RYR1: variants seen among roughly 807,000 people sequenced by gnomAD.
The protein encoded by RYR1 is central core disease of muscle.
In RYR1, 342 loss-of-function variants were observed where a neutral mutation model predicts 583.5. The ratio of observed to expected loss-of-function variants is 0.59; its 90% CI spans 0.54 to 0.64. The LOEUF (loss-of-function observed/expected upper bound fraction) is 0.64. Ranked by LOEUF, RYR1 falls within the 30% of genes least tolerant of loss-of-function variation. The pLI, the probability that RYR1 is intolerant of heterozygous loss-of-function variation, is 0.00. For missense variants in RYR1, 6,032 were observed against 6,917.2 expected (o/e 0.87, Z 4.54); for synonymous variants, 2,791 against 2,822.5 (o/e 0.99, Z 0.35).
rs66571762 is a variant in RYR1 at position 38,452,126 on chromosome 19, C to CA, written c.1244+266dup. On this transcript the variant is annotated intron_variant, in intron 12 of 105. Transcript: ENST00000359596. ...CAGCATAGGGAGACCCCGCCTCTAC[C>CA]AAAAAAAAAAAAAAAAAAAAAAAAA... Among the ~76,000 whole-genome samples, 6,787 of 68,820 alleles carry CA rather than the reference C, an allele frequency of 0.099. 489 individuals are homozygous for CA. The highest frequency in any genetic ancestry group is 0.2 in the East Asian group (437 of 2,198). The allele number at this position is 68,820 out of a possible 152,430, so 45.1% of individuals were successfully genotyped here.
chr19:38,444,547 C>T lies in RYR1; in HGVS notation c.538-37C>T, dbSNP rs1037919076. 2.5e-6 allele frequency: 4 copies of T among 1,585,742 alleles called. No homozygotes were observed. In the African/African-American group the frequency reaches 5.4e-5, roughly 21 times the overall value. ...ACGCTGGGACTCTCGCCCACCCCTG[C>T]AATCGTCTCTGACTGCCGCATCCTG... On this transcript the variant is annotated intron_variant, in intron 6 of 105. Coordinates refer to ENST00000359596, the MANE Select transcript of RYR1 (RefSeq NM_000540.3). The surrounding 1 kb of genome is among the most constrained non-coding windows in gnomAD (Gnocchi z 5.1).
intron 88 of RYR1, among the ~76,000 whole-genome samples, chr19:38,547,870 C>T (rs1380190413): frequency 6.6e-6 from 1 of 152,094 alleles, no homozygotes; most frequent in Non-Finnish European, 1.5e-5. Flanking sequence ...CATGCCACCA[C>T]GCCCAGCTGA....
At chr19:38,532,802 C>T in intron 78 of RYR1, 66 bp downstream of exon 78, 1 of 1,502,322 alleles carries the variant, frequency 6.7e-7, no homozygotes. Context: ...ATCTCCCATT[C>T]ATTCAGCATG....
rs773080803 is a variant in RYR1 at position 38,584,966 on chromosome 19, G to C, written c.14670G>C (p.Val4890=). 1.2e-4 allele frequency: 195 copies of C among 1,613,920 alleles called. No individual in the cohort carries two copies. The highest frequency in any genetic ancestry group is 1.6e-4 in the Non-Finnish European group (190 of 1,180,010). Residue 4890 remains valine (V), a synonymous_variant, in exon 102 of 106, where the codon GTG becomes GTC. Coordinates refer to ENST00000359596, the MANE Select transcript of RYR1 (RefSeq NM_000540.3). ...AGTGTTACCTGTTTCACATGTACGTGGGTGTCCGGGCTGGCGGAGGCATTG... is the reference window on the plus strand; with the variant it reads ...AGTGTTACCTGTTTCACATGTACGTCGGTGTCCGGGCTGGCGGAGGCATTG... ...MMTCYLFHMY[V]GVRAGGGIGD... is the part of the protein sequence containing the mutation.
chr19:38,569,250 A>T (rs544685164), intron 93 of RYR1, among the ~76,000 whole-genome samples: 2 of 151,188 alleles, frequency 1.3e-5, no homozygotes, highest in African/African-American at 4.9e-5. Flanking sequence ...CTTGTGATCC[A>T]CCCGCCTTGG....
chr19:38,576,073 T>C, intron 97 of RYR1, 112 bp downstream of exon 97: 1 of 1,279,720 alleles, frequency 7.8e-7, no homozygotes, highest in Non-Finnish European at 1.1e-6. Flanking sequence ...GAGGTTTTTT[T>C]GCCTTTCTGA....
At chr19:38,536,220 C>T in intron 82 of RYR1, 150 bp downstream of exon 82, 1 of 698,036 alleles carries the variant, frequency 1.4e-6, no homozygotes, top group Non-Finnish European at 2.4e-6. Flanking sequence ...TGCTGTGGTC[C>T]CCCAGTCCCA....
At chr19:38,438,387 A>AT (rs35789428) in intron 1 of RYR1, among the ~76,000 whole-genome samples, 17,790 of 146,906 alleles carry the variant, frequency 0.12, 1,418 homozygotes, top group Middle Eastern at 0.22. Flanking sequence ...GAGGGCCGTG[A>AT]TTTTTTTTTT....
chr19:38,469,611 A>G (rs1968311135), intron 27 of RYR1, 98 bp downstream of exon 27: 8 of 1,232,834 alleles, frequency 6.5e-6, no homozygotes, highest in South Asian at 5.0e-5. Flanking sequence ...CCATGTTAGG[A>G]CACAAACCAC....
At chr19:38,436,569 G>A (rs984453254) in intron 1 of RYR1, among the ~76,000 whole-genome samples, 8 of 152,142 alleles carry the variant, frequency 5.3e-5, no homozygotes, top group African/African-American at 1.9e-4. Flanking sequence ...TATTGAGTTT[G>A]TTGCTTTTTG....
chr19:38,508,482 A>T (rs565635881), intron 58 of RYR1, among the ~76,000 whole-genome samples: 1 of 152,188 alleles, frequency 6.6e-6, no homozygotes, highest in Non-Finnish European at 1.5e-5. Context: ...AAGTGCTGGG[A>T]TTAAAGGCGT....
At chr19:38,571,251 C>G (rs189489603) in intron 94 of RYR1, among the ~76,000 whole-genome samples, 245 of 152,170 alleles carry the variant, frequency 1.6e-3, no homozygotes, top group African/African-American at 5.6e-3. Context: ...TGCCCACTGG[C>G]GCATGACGAT....
At position 38,453,027 on chromosome 19, in the gene RYR1, C is replaced by G. The variant is rs774459267; in HGVS notation, c.1440+13C>G. The G allele has an allele frequency of 6.2e-6, 10 of 1,609,438 alleles. No individual in the cohort carries two copies. In the Admixed American group the frequency reaches 1.3e-4, roughly 22 times the overall value. ...CTTCCAGGAGGAGGTGAGGACGTGG[C>G]GAGGGCGGAGCGGGGCCTGTGGGCC... On this transcript the variant is annotated intron_variant, in intron 13 of 105. Transcript: ENST00000359596.
chr19:38,494,697 T>G, intron 39 of RYR1, 72 bp downstream of exon 39: 4 of 1,579,578 alleles, frequency 2.5e-6, no homozygotes, highest in Non-Finnish European at 3.5e-6. Context: ...TACAATAACA[T>G]TCCCTTCCCC....
intron 24 of RYR1, among the ~76,000 whole-genome samples, chr19:38,467,117 T>A (rs895291157): frequency 6.6e-6 from 1 of 152,068 alleles, no homozygotes; most frequent in African/African-American, 2.4e-5. Flanking sequence ...CCCCTACCCC[T>A]AACCTGACTC....
intron 89 of RYR1, 40 bp downstream of exon 89, chr19:38,548,460 G>C (rs764154973): frequency 1.3e-6 from 2 of 1,599,990 alleles, no homozygotes; most frequent in Non-Finnish European, 1.7e-6. Flanking sequence ...ACTTGGGTGG[G>C]GTTGCCAAGG....
chr19:38,506,991 G>A, intron 57 of RYR1, 39 bp downstream of exon 57: 1 of 1,611,864 alleles, frequency 6.2e-7, no homozygotes, highest in Non-Finnish European at 8.5e-7. Context: ...GCAGCAGGCA[G>A]AACACACCCG....
At position 38,490,080 on chromosome 19, in the gene RYR1, G is replaced by A; in HGVS notation, c.5819G>A (p.Cys1940Tyr). 6.2e-7 allele frequency: 1 copy of A among 1,613,976 alleles called. No homozygotes were observed. The highest frequency in any genetic ancestry group is 1.3e-5 in the African/African-American group (1 of 75,060). ...CACACGGCTGTCCTTCCACAGATGT[G>A]CCACCTGCTGGAGTATTTCTGTGAC... is the stretch of plus-strand genomic sequence containing the variant. ...KLPESVKLQM[C>Y]HLLEYFCDQE... The change falls in exon 36 of 106, where the codon TGC becomes TAC. Residue 1940 changes from cysteine to tyrosine, a missense_variant. Cys to Tyr is a radical substitution (Grantham distance 194). Coordinates refer to ENST00000359596, the MANE Select transcript of RYR1 (RefSeq NM_000540.3).
chr19:38,469,298 C>CCACCAGGCTT lies in RYR1; in HGVS notation c.3557-5_3561dup. 3.1e-6 allele frequency: 5 copies of CCACCAGGCTT among 1,613,786 alleles called. No homozygotes were observed. The highest frequency in any genetic ancestry group is 4.2e-6 in the Non-Finnish European group (5 of 1,180,004). ...CTCACCCCTGCCCATCCATCCCCTC[C>CCACCAGGCTT]CACCAGGCTTCCTGCCCGTCTGCAG... On this transcript the variant is annotated splice_region_variant and splice_polypyrimidine_tract_variant and intron_variant, in intron 26 of 105. Transcript: ENST00000359596.
Sources: allele counts gnomAD v4.1 joint callset (sites outside exome capture counted in the v4.1 genomes callset), GRCh38; gene constraint gnomAD v4.1.1; non-coding constraint Gnocchi (gnomAD v3.1); transcripts MANE v1.5; gene names NCBI Gene and HGNC (gene_info 2026-07-23, HGNC 2026-07-21).